TRHDE: variants seen among roughly 807,000 people sequenced by gnomAD.
TRHDE encodes thyrotropin releasing hormone degrading enzyme.
A neutral mutation model predicts 125.7 loss-of-function variants in TRHDE; 72 were observed. The ratio of observed to expected loss-of-function variants is 0.57; its 90% CI spans 0.47 to 0.70. The LOEUF (loss-of-function observed/expected upper bound fraction) is 0.70, where lower values mean the gene tolerates loss of function less well. TRHDE is among the 30% of genes least tolerant of loss of function. The pLI, the probability that TRHDE is intolerant of heterozygous loss-of-function variation, is 0.00. For missense variants in TRHDE, 1,110 were observed against 1,327.1 expected (o/e 0.84, Z 2.54); for synonymous variants, 509 against 509.1 (o/e 1.00, Z 0.00).
rs141844017 is a variant in TRHDE, at chr12:72,526,254, C to T, written c.1723-16037C>T. 9.2e-4 allele frequency among the ~76,000 whole-genome samples: 140 copies of T among 152,112 alleles called. 1 individual carries two copies. The highest frequency in any genetic ancestry group is 3.3e-3 in the African/African-American group (136 of 41,516). Reference sequence around the variant, plus strand: ...CCATTCTGAACAGTTTCAGGATACTCGGGAGCAAATACATGTATTCTACTG... The same window carrying T: ...CCATTCTGAACAGTTTCAGGATACTTGGGAGCAAATACATGTATTCTACTG... On this transcript the variant is annotated intron_variant, in intron 6 of 18. Coordinates refer to ENST00000261180, the MANE Select transcript of TRHDE (RefSeq NM_013381.3).
chr12:72,291,449 C>G (rs1592523248), intron 2 of TRHDE, among the ~76,000 whole-genome samples: 1 of 152,344 alleles, frequency 6.6e-6, no homozygotes, highest in Non-Finnish European at 1.5e-5. Flanking sequence ...ACCCTTTGGG[C>G]TCTTTGTTTT....
At chr12:72,431,631 A>G (rs914821900) in intron 3 of TRHDE, 3 of 146,960 alleles carry the variant, frequency 2.0e-5, no homozygotes, top group African/African-American at 7.9e-5. Context: ...TGCCAATAAC[A>G]GGAAGAAGAG....
intron 3 of TRHDE, among the ~76,000 whole-genome samples, chr12:72,426,022 T>C (rs1874170250): frequency 6.6e-6 from 1 of 152,058 alleles, no homozygotes; most frequent in Non-Finnish European, 1.5e-5. Flanking sequence ...ATTGAAATGG[T>C]GGCAGGGATG....
chr12:72,570,474 G>A (rs528837557), intron 10 of TRHDE, among the ~76,000 whole-genome samples: 253 of 150,966 alleles, frequency 1.7e-3, no homozygotes, highest in Non-Finnish European at 2.5e-3. Flanking sequence ...CCAGCTACTC[G>A]GTAGACTGAG....
At chr12:72,480,007 G>A (rs1252070369) in intron 5 of TRHDE, among the ~76,000 whole-genome samples, 3 of 150,446 alleles carry the variant, frequency 2.0e-5, no homozygotes, top group African/African-American at 7.4e-5. Context: ...CTTTTTTATG[G>A]CTGCATAGTA....
At chr12:72,320,980 A>T (rs1007466281) in intron 2 of TRHDE, among the ~76,000 whole-genome samples, 1 of 152,174 alleles carries the variant, frequency 6.6e-6, no homozygotes, top group Non-Finnish European at 1.5e-5. Flanking sequence ...ATTATTAATT[A>T]AGCTTTGATT....
intron 3 of TRHDE, among the ~76,000 whole-genome samples, chr12:72,461,947 C>T (rs1295527510): frequency 6.6e-6 from 1 of 152,164 alleles, no homozygotes; most frequent in Non-Finnish European, 1.5e-5. Context: ...CATGGTATAA[C>T]TCATTTAATC....
In TRHDE at chr12:72,670,034, T is replaced by G. The variant is rs1043739846; in HGVS notation, c.*6839T>G. 1.3e-5 allele frequency: 2 copies of G among 151,746 alleles called. No individual in the cohort carries two copies. The highest frequency in any genetic ancestry group is 3.0e-5 in the Non-Finnish European group (2 of 67,762). 9.4% of individuals were successfully genotyped at this position (151,746 alleles called of 1,614,324 possible). ...GCTTTCTGGACACCACTGAGTTTATTAGATAATCTTTAAAAATATTATGAA... is the reference window on the plus strand; with the variant it reads ...GCTTTCTGGACACCACTGAGTTTATGAGATAATCTTTAAAAATATTATGAA... On this transcript the variant is annotated 3_prime_UTR_variant, in exon 19 of 19. Transcript: ENST00000261180.
intron 2 of TRHDE, among the ~76,000 whole-genome samples, chr12:72,139,479 G>A (rs1014737602): frequency 2.0e-5 from 3 of 152,114 alleles, no homozygotes; most frequent in Admixed American, 6.6e-5. Context: ...ACCTCCCTAG[G>A]GGAGAGTTGG....
In TRHDE at chr12:72,215,823, G is replaced by A. The variant is rs530960206; in HGVS notation, n.279+110071G>A. 7.9e-5 allele frequency among the ~76,000 whole-genome samples: 12 copies of A among 152,258 alleles called. No homozygotes were observed. The East Asian group carries it at 2.3e-3, about 29-fold the overall frequency. On this transcript the variant is annotated intron_variant and non_coding_transcript_variant, in intron 2 of 4. Transcript: ENST00000548156. ...TGGTTGGCGCTCAGAAATGGTTGGA[G>A]TCTGACAATTTGGAAACGAAGCAGC...
chr12:72,378,856 A>G (rs181714727), intron 3 of TRHDE, among the ~76,000 whole-genome samples: 17 of 152,350 alleles, frequency 1.1e-4, no homozygotes, highest in South Asian at 2.1e-4. Flanking sequence ...CTGAATTTCA[A>G]TGAGGCTGCT....
At chr12:72,628,408 C>A (rs541849292) in intron 15 of TRHDE, among the ~76,000 whole-genome samples, 23 of 151,998 alleles carry the variant, frequency 1.5e-4, no homozygotes, top group African/African-American at 5.5e-4. Context: ...AAATGAGCTT[C>A]CTTCACAACA....
At chr12:72,142,588 G>A (rs115637248) in intron 2 of TRHDE, among the ~76,000 whole-genome samples, 2,614 of 152,224 alleles carry the variant, frequency 0.017, 40 homozygotes, top group Middle Eastern at 0.041. Context: ...CTGGGTACCC[G>A]TGGCACTAAA....
At chr12:72,120,242 G>C (rs1406154414) in intron 2 of TRHDE, among the ~76,000 whole-genome samples, 5 of 151,844 alleles carry the variant, frequency 3.3e-5, no homozygotes, top group African/African-American at 1.2e-4. Context: ...GTAGAGATGG[G>C]GTTTCACCAT....
chr12:72,412,974 C>T (rs1314490397), intron 3 of TRHDE, among the ~76,000 whole-genome samples: 1 of 151,880 alleles, frequency 6.6e-6, no homozygotes, highest in African/African-American at 2.4e-5. Flanking sequence ...CGGGGTGGTG[C>T]ACACTTGTGG....
rs926391547 is a variant in TRHDE at position 72,663,747 on chromosome 12, C to A, written c.*552C>A. 3.9e-5 allele frequency: 6 copies of A among 152,444 alleles called. No homozygotes were observed. Among genetic ancestry groups the A allele is most frequent in the African/African-American group, 1.4e-4 (6 of 41,430 alleles). 9.4% of individuals were successfully genotyped at this position (152,444 alleles called of 1,614,324 possible). ...ATGTGAGAGGTAAAATAGCCCTTGA[C>A]ATGATGAACATCACTTATTTCAGCA... is the stretch of plus-strand genomic sequence containing the variant. On this transcript the variant is annotated 3_prime_UTR_variant, in exon 19 of 19. Transcript: ENST00000261180.
intron 12 of TRHDE, among the ~76,000 whole-genome samples, chr12:72,603,420 T>C (rs1872286671): frequency 6.6e-6 from 1 of 152,042 alleles, no homozygotes; most frequent in African/African-American, 2.4e-5. Context: ...GAGTAAACTT[T>C]CTTATAATAA....
chr12:72,417,121 G>A (rs1873764096), intron 3 of TRHDE, among the ~76,000 whole-genome samples: 1 of 151,642 alleles, frequency 6.6e-6, no homozygotes, highest in Non-Finnish European at 1.5e-5. Context: ...CATTTTATTT[G>A]TAGCTACTTT....
intron 2 of TRHDE, among the ~76,000 whole-genome samples, chr12:72,203,187 C>T (rs1167983757): frequency 6.6e-6 from 1 of 151,994 alleles, no homozygotes; most frequent in African/African-American, 2.4e-5. Flanking sequence ...CTAGGCCGGG[C>T]GTAGTGGCTC....
Sources: allele counts gnomAD v4.1 joint callset (sites outside exome capture counted in the v4.1 genomes callset), GRCh38; gene constraint gnomAD v4.1.1; transcripts MANE v1.5; gene names NCBI Gene and HGNC (gene_info 2026-07-23, HGNC 2026-07-21).